The following SLC38A12 variants were observed in gnomAD, a reference collection of about 807,000 sequenced individuals.
SLC38A12 encodes putative sodium-coupled neutral amino acid transporter 12.
the SLC38A12 span, among the ~76,000 whole-genome samples, chr17:74,828,058 G>A: frequency 6.6e-6 from 1 of 152,306 alleles, no homozygotes; most frequent in African/African-American, 2.4e-5. Flanking sequence ...GCACACTGCC[G>A]GCCATTTGTT....
the SLC38A12 span, among the ~76,000 whole-genome samples, chr17:74,815,962 C>T: frequency 6.6e-6 from 1 of 152,320 alleles, no homozygotes; most frequent in East Asian, 1.9e-4. Context: ...AATCTCCAGG[C>T]ACAGCCCACA....
the SLC38A12 span, among the ~76,000 whole-genome samples, chr17:74,779,623 C>T: frequency 6.6e-6 from 1 of 152,202 alleles, no homozygotes; most frequent in African/African-American, 2.4e-5. Context: ...GTGGAACTAA[C>T]TCACTGCTGA....
the SLC38A12 span, among the ~76,000 whole-genome samples, chr17:74,793,871 T>G: frequency 6.6e-6 from 1 of 151,778 alleles, no homozygotes; most frequent in African/African-American, 2.4e-5. Context: ...CTTAGTCTTT[T>G]CCCCCCCAGG....
the SLC38A12 span, chr17:74,836,983 A>C: frequency 1.7e-6 from 2 of 1,185,260 alleles, no homozygotes; most frequent in Non-Finnish European, 2.1e-6. The surrounding 1 kb of genome is among the most constrained non-coding windows in gnomAD (Gnocchi z 4.2). Context: ...ATCTTCCAAC[A>C]CGCTTCACCC....
the SLC38A12 span, among the ~76,000 whole-genome samples, chr17:74,789,517 G>A: frequency 1.4e-5 from 2 of 141,412 alleles, no homozygotes; most frequent in Admixed American, 7.4e-5. Context: ...GCAACAGACT[G>A]AGATAACATG....
At chr17:74,788,482 G>A in the SLC38A12 span, among the ~76,000 whole-genome samples, 1 of 152,104 alleles carries the variant, frequency 6.6e-6, no homozygotes, top group Non-Finnish European at 1.5e-5. Context: ...GCCCCTCCTG[G>A]GTGTGAGCAC....
At chr17:74,783,095 A>G in the SLC38A12 span, among the ~76,000 whole-genome samples, 2 of 152,180 alleles carry the variant, frequency 1.3e-5, no homozygotes, top group Non-Finnish European at 2.9e-5. Context: ...ACGCCACTGC[A>G]CTCCAACTTG....
chr17:74,795,105 T>C, the SLC38A12 span: 2 of 1,614,084 alleles, frequency 1.2e-6, no homozygotes, highest in South Asian at 1.1e-5. Context: ...CTCATGCAGG[T>C]GACCTGGTGA....
chr17:74,797,533 C>T, the SLC38A12 span, among the ~76,000 whole-genome samples: 1 of 152,182 alleles, frequency 6.6e-6, no homozygotes, highest in East Asian at 1.9e-4. Flanking sequence ...TGCTCAGAGG[C>T]TTTTGGTTTG....
At chr17:74,807,220 C>T in the SLC38A12 span, among the ~76,000 whole-genome samples, 2 of 152,032 alleles carry the variant, frequency 1.3e-5, no homozygotes, top group Non-Finnish European at 2.9e-5. Context: ...CTAGTCCACA[C>T]TGAGCTCAGG....
the SLC38A12 span, among the ~76,000 whole-genome samples, chr17:74,798,239 T>A: frequency 1.3e-5 from 2 of 152,166 alleles, no homozygotes; most frequent in East Asian, 1.9e-4. Flanking sequence ...ATACAGACTT[T>A]TATATTGTGG....
the SLC38A12 span, among the ~76,000 whole-genome samples, chr17:74,821,274 C>G: frequency 1.4e-4 from 22 of 152,234 alleles, no homozygotes; most frequent in African/African-American, 5.3e-4. Context: ...CTGGGCCTAG[C>G]CCGTCCTTGG....
chr17:74,804,783 C>G, the SLC38A12 span, among the ~76,000 whole-genome samples: 3 of 152,258 alleles, frequency 2.0e-5, no homozygotes, highest in Non-Finnish European at 2.9e-5. Flanking sequence ...GTGTTGGGCA[C>G]TGGCTGAGGC....
the SLC38A12 span, among the ~76,000 whole-genome samples, chr17:74,780,813 T>G: frequency 6.6e-6 from 1 of 152,160 alleles, no homozygotes; most frequent in African/African-American, 2.4e-5. Flanking sequence ...CTGAAAAAAT[T>G]GCAACAAAGC....
the SLC38A12 span, among the ~76,000 whole-genome samples, chr17:74,814,213 A>T: frequency 6.6e-6 from 1 of 152,076 alleles, no homozygotes; most frequent in African/African-American, 2.4e-5. Context: ...GGGACCTTGG[A>T]GATGCTGGTG....
the SLC38A12 span, among the ~76,000 whole-genome samples, chr17:74,783,732 T>TC: frequency 2.9e-5 from 4 of 138,382 alleles, no homozygotes; most frequent in African/African-American, 2.8e-5. Flanking sequence ...TTTTTTTTTT[T>TC]TTTTTTTTTT....
the SLC38A12 span, among the ~76,000 whole-genome samples, chr17:74,801,323 C>A: frequency 2.0e-5 from 3 of 152,266 alleles, no homozygotes; most frequent in Non-Finnish European, 2.9e-5. Flanking sequence ...ACCGCAGGTG[C>A]ACTGCGTGCA....
chr17:74,791,705 C>T, the SLC38A12 span, among the ~76,000 whole-genome samples: 1 of 152,216 alleles, frequency 6.6e-6, no homozygotes, highest in Non-Finnish European at 1.5e-5. Flanking sequence ...AGACCGGAGC[C>T]CTGAAGTGTG....
chr17:74,784,471 C>T, the SLC38A12 span, among the ~76,000 whole-genome samples: 1 of 152,088 alleles, frequency 6.6e-6, no homozygotes, highest in African/African-American at 2.4e-5. Flanking sequence ...AGGTGACTAG[C>T]AGGCAGCTGG....
Sources: gnomAD v4.1 joint callset for allele counts (sites outside exome capture counted in the v4.1 genomes callset) on GRCh38, gnomAD v4.1.1 for gene constraint, Gnocchi (gnomAD v3.1) non-coding constraint, MANE v1.5 for transcripts, NCBI Gene and HGNC (gene_info 2026-07-23, HGNC 2026-07-21) for gene names.